The following DMD variants were observed in gnomAD, a reference collection of about 807,000 sequenced individuals.
DMD encodes mutant dystrophin.
Under a neutral mutation model 330.1 loss-of-function variants are expected in DMD, and 63 were observed. That is an observed-to-expected ratio of 0.19 (90% CI 0.16 to 0.24). The LOEUF is 0.24. Ranked by LOEUF, DMD falls within the 10% of genes least tolerant of loss-of-function variation. The probability of loss-of-function intolerance (pLI) is 1.00; values close to 1 mark genes in which losing one functional copy is unlikely to be tolerated. For missense variants in DMD, 3,344 were observed against 2,684.1 expected, an observed-to-expected ratio of 1.25 and a Z score of -5.43; for synonymous variants, 1,223 against 959.8, an observed-to-expected ratio of 1.27 and a Z score of -5.07.
At chrX:31,343,466 G>C (rs2057879485) in intron 61 of DMD, among the ~76,000 whole-genome samples, 1 of 111,281 alleles carries the variant, frequency 9.0e-6, no homozygotes, top group Non-Finnish European at 1.9e-5. Context: ...TTAACATGTA[G>C]AGATTGGGCC....
At chrX:32,815,285 T>C (rs1295334169) in intron 6 of DMD, among the ~76,000 whole-genome samples, 1 of 99,922 alleles carries the variant, frequency 1.0e-5, no homozygotes, top group South Asian at 4.6e-4. Flanking sequence ...AGGATTGGCA[T>C]AGGAAAATGG....
At chrX:31,169,879 A>G (rs1456833207) in intron 73 of DMD, among the ~76,000 whole-genome samples, 3 of 111,694 alleles carry the variant, frequency 2.7e-5, no homozygotes, top group Non-Finnish European at 5.7e-5. Context: ...AAATACTGGG[A>G]CTCTACGTTG....
chrX:32,366,682 C>T (rs2097855665), intron 34 of DMD, among the ~76,000 whole-genome samples: 1 of 111,721 alleles, frequency 9.0e-6, no homozygotes, highest in African/African-American at 3.3e-5. Context: ...CCTAAGTAGT[C>T]CTGTGGCTGT....
chrX:32,614,498 T>A (rs1222993577), intron 11 of DMD, 45 bp from the exon 12 acceptor site: 3 of 1,041,837 alleles, frequency 2.9e-6, no homozygotes, highest in African/African-American at 3.7e-5. Flanking sequence ...TGAAAGCAAC[T>A]TATTACTGAA....
intron 44 of DMD, among the ~76,000 whole-genome samples, chrX:32,158,441 A>T (rs1403975058): frequency 2.7e-5 from 3 of 111,759 alleles, no homozygotes; most frequent in Non-Finnish European, 5.6e-5. Flanking sequence ...AATGACCTTA[A>T]AAAAAGCAGA....
At chrX:32,742,022 A>G (rs951881383) in intron 7 of DMD, among the ~76,000 whole-genome samples, 1 of 111,622 alleles carries the variant, frequency 9.0e-6, no homozygotes, top group Admixed American at 9.5e-5. Flanking sequence ...TGTGTGTTCC[A>G]TGTCAAATGG....
At chrX:32,403,751 T>C (rs183374751) in intron 30 of DMD, among the ~76,000 whole-genome samples, 5 of 112,172 alleles carry the variant, frequency 4.5e-5, no homozygotes, top group African/African-American at 1.6e-4. Flanking sequence ...TACCATCTAC[T>C]GGGCTGTGTA....
intron 2 of DMD, among the ~76,000 whole-genome samples, chrX:32,999,862 T>A (rs781726587): frequency 4.2e-4 from 47 of 112,825 alleles, no homozygotes; most frequent in African/African-American, 1.5e-3. Flanking sequence ...GTTTCTGGTC[T>A]GTGCATTTGA....
chrX:31,766,872 T>TG (rs2090026959), intron 51 of DMD, among the ~76,000 whole-genome samples: 4 of 95,887 alleles, frequency 4.2e-5, no homozygotes, highest in African/African-American at 1.2e-4. Context: ...AAAATATGAT[T>TG]TTGTGTGTGT....
At chrX:32,492,235 G>A (rs1342458261) in intron 19 of DMD, among the ~76,000 whole-genome samples, 3 of 111,717 alleles carry the variant, frequency 2.7e-5, no homozygotes, top group Non-Finnish European at 5.6e-5. Flanking sequence ...CTACTCGGGA[G>A]GCTGAGGCAG....
intron 1 of DMD, among the ~76,000 whole-genome samples, chrX:33,322,567 C>T (rs769092480): frequency 9.0e-6 from 1 of 111,319 alleles, no homozygotes; most frequent in Non-Finnish European, 1.9e-5. Flanking sequence ...GTACTCTAAC[C>T]AGTGTCAGCT....
chrX:31,805,468 G>T (rs777472195), intron 50 of DMD, among the ~76,000 whole-genome samples: 89 of 111,686 alleles, frequency 8.0e-4, no homozygotes, highest in African/African-American at 2.7e-3. Flanking sequence ...ATATTTAAGG[G>T]TACTTCAATA....
chrX:32,977,749 C>T (rs2092595785), intron 2 of DMD, among the ~76,000 whole-genome samples: 1 of 109,488 alleles, frequency 9.1e-6, no homozygotes, highest in Non-Finnish European at 1.9e-5. Flanking sequence ...TATATATGTA[C>T]ATATATCAGT....
chrX:32,394,916 C>CAAAACAAAACAAAA (rs2098030291), intron 30 of DMD, among the ~76,000 whole-genome samples: 7 of 39,059 alleles, frequency 1.8e-4, no homozygotes, highest in African/African-American at 5.5e-4. Flanking sequence ...AACAAAAAAA[C>CAAAACAAAACAAAA]AAAAAAAAAA....
At chrX:31,875,121 GAA>G (rs2093947965) in intron 48 of DMD, 65 bp downstream of exon 48, 1 of 949,043 alleles carries the variant, frequency 1.1e-6, no homozygotes, top group Non-Finnish European at 1.5e-6. Flanking sequence ...TACCAAATGA[GAA>G]AATTCAGTGA....
chrX:33,279,466 C>A (rs1280666151), intron 1 of DMD, among the ~76,000 whole-genome samples: 1 of 108,191 alleles, frequency 9.2e-6, no homozygotes, highest in African/African-American at 3.4e-5. Context: ...TTTTTTTAAG[C>A]AATTACATAT....
intron 41 of DMD, among the ~76,000 whole-genome samples, chrX:32,328,017 A>C (rs2097659970): frequency 8.9e-6 from 1 of 111,815 alleles, no homozygotes; most frequent in Admixed American, 9.6e-5. Flanking sequence ...CTTAAATAAT[A>C]ATTAACTAAA....
intron 1 of DMD, among the ~76,000 whole-genome samples, chrX:33,092,577 G>A (rs1463343005): frequency 1.8e-5 from 2 of 111,030 alleles, no homozygotes; most frequent in East Asian, 5.7e-4. Context: ...AGGGGTCCCA[G>A]AATAACATAC....
intron 1 of DMD, among the ~76,000 whole-genome samples, chrX:33,047,607 T>C (rs758238723): frequency 8.9e-6 from 1 of 112,522 alleles, no homozygotes; most frequent in East Asian, 2.8e-4. Flanking sequence ...TTAAAAAATC[T>C]ATTTTCCAAA....
Sources: allele counts gnomAD v4.1 joint callset (sites outside exome capture counted in the v4.1 genomes callset), GRCh38; gene constraint gnomAD v4.1.1; transcripts MANE v1.5; gene names NCBI Gene and HGNC (gene_info 2026-07-23, HGNC 2026-07-21).